The following INPP4A variants were observed in gnomAD, a reference collection of about 807,000 sequenced individuals.
The protein encoded by INPP4A is inositol polyphosphate-4-phosphatase, type I, 107kD.
In INPP4A, 33 loss-of-function variants were observed where a neutral mutation model predicts 119.8. That is an observed-to-expected ratio of 0.28 (90% CI 0.21 to 0.37). INPP4A has a LOEUF of 0.37. INPP4A is among the 10% of genes least tolerant of loss of function. The pLI is 1.00. For missense variants in INPP4A, 956 were observed against 1,289.9 expected (o/e 0.74, Z 3.97); for synonymous variants, 496 against 500.7 (o/e 0.99, Z 0.12).
rs1198072946 is a variant in INPP4A, at chr2:98,536,557, T to C, written c.467+349T>C. ...TTTTGTCTGCTTTGCTTCACTGCTA[T>C]TTCCCAGACACCTAGAATGTGTCTG... On this transcript the variant is annotated intron_variant, in intron 7 of 24. Coordinates refer to ENST00000409851, the MANE Select transcript of INPP4A (RefSeq NM_001134225.2). 5.9e-5 allele frequency among the ~76,000 whole-genome samples: 9 copies of C among 152,198 alleles called. No homozygotes were observed. The South Asian group carries it at 1.2e-3, about 21-fold the overall frequency.
intron 1 of INPP4A, among the ~76,000 whole-genome samples, chr2:98,517,566 A>C (rs1318248880): frequency 6.6e-6 from 1 of 152,148 alleles, no homozygotes; most frequent in Non-Finnish European, 1.5e-5. Flanking sequence ...GAGGTATCTC[A>C]TGGGTTCAGT....
chr2:98,563,602 C>G lies in INPP4A; in HGVS notation c.1993C>G (p.Leu665Val). The G allele has an allele frequency of 6.2e-7, 1 of 1,613,376 alleles. No homozygotes were observed. The highest frequency in any genetic ancestry group is 8.5e-7 in the Non-Finnish European group (1 of 1,179,872). The change falls in exon 18 of 25, where the codon CTG (leucine) becomes GTG (valine). Residue 665 changes from leucine to valine, a missense_variant. Around this residue, in one of 2 missense-constraint regions of INPP4A, gnomAD observed 304 missense variants for 492.1 expected, o/e 0.62. Coordinates refer to ENST00000409851, the MANE Select transcript of INPP4A (RefSeq NM_001134225.2). ...GCCCACCATAGCCACCTACCTGAGC[C>G]TGCAGTACCGCCGTGACGTGGTCTT... ...SAPTIATYLS[L>V]QYRRDVVFCQ...
rs111965408 is a variant in INPP4A at position 98,458,853 on chromosome 2, G to A, written c.-166+13768G>A. On this transcript the variant is annotated intron_variant, in intron 1 of 24. Transcript: ENST00000409851. ...CCTTAAGCGGGTAGGCAGCATCGGC[G>A]GATCATGGCAGGGAGAGAAGTACAG... Among the ~76,000 whole-genome samples, 586 of 152,266 alleles carry A rather than the reference G, an allele frequency of 3.8e-3. 1 individual carries two copies. The highest frequency in any genetic ancestry group is 6.8e-3 in the Non-Finnish European group (463 of 68,028).
rs888757210 is a variant in INPP4A, at chr2:98,569,740, C to CT, written c.2518+1073dup. On this transcript the variant is annotated intron_variant, in intron 22 of 24. Coordinates refer to ENST00000409851, the MANE Select transcript of INPP4A (RefSeq NM_001134225.2). The surrounding 1 kb of genome is among the most constrained non-coding windows in gnomAD (Gnocchi z 5.1). The stretch of plus-strand genomic sequence containing the variant: ...TTGGATTGTGGCTGAAGCCGTCCTG[C>CT]TAGGAGAGAGTGATGCAGAACACTC... The CT allele has an allele frequency of 6.6e-6, 1 of 152,216 alleles. No homozygotes were observed. Among genetic ancestry groups the CT allele is most frequent in the Non-Finnish European group, 1.5e-5 (1 of 68,102 alleles). 9.4% of individuals were successfully genotyped at this position (152,216 alleles called of 1,614,324 possible).
chr2:98,555,301 G>A (rs1017150257), intron 15 of INPP4A, among the ~76,000 whole-genome samples: 12 of 152,220 alleles, frequency 7.9e-5, no homozygotes, highest in African/African-American at 2.9e-4. Flanking sequence ...GGGCCACCTG[G>A]CCTCCAGAAG....
In INPP4A at chr2:98,570,524, C is replaced by G. The variant is rs558250822; in HGVS notation, c.2518+1856C>G. Among the ~76,000 whole-genome samples the G allele has an allele frequency of 2.1e-4, 32 of 152,232 alleles. No homozygotes were observed. Among genetic ancestry groups the G allele is most frequent in the African/African-American group, 7.0e-4 (29 of 41,544 alleles). On this transcript the variant is annotated intron_variant, in intron 22 of 24. Transcript: ENST00000409851. This position sits in a 1 kb window ranked among gnomAD's most constrained non-coding sequence, Gnocchi z 4.3. ...CAAGGGGTGATGAAATGGTGCTGCC[C>G]TGGAATGGACCACTTTGTCCCAAAG...
chr2:98,525,027 A>G (rs1687923460), intron 4 of INPP4A, among the ~76,000 whole-genome samples: 1 of 152,138 alleles, frequency 6.6e-6, no homozygotes, highest in African/African-American at 2.4e-5. Context: ...CAACACCAAA[A>G]TCAGTGTTAG....
At chr2:98,561,645 A>G (rs970548268) in intron 17 of INPP4A, among the ~76,000 whole-genome samples, 1 of 152,352 alleles carries the variant, frequency 6.6e-6, no homozygotes, top group East Asian at 1.9e-4. Context: ...ATATAGGCAA[A>G]GTGAAAAAGT....
At chr2:98,492,779 C>T (rs1681104266) in intron 1 of INPP4A, among the ~76,000 whole-genome samples, 1 of 152,240 alleles carries the variant, frequency 6.6e-6, no homozygotes, top group African/African-American at 2.4e-5. Context: ...ACTGGGAAAA[C>T]AGAGCCTAGC....
At position 98,558,441 on chromosome 2, in the gene INPP4A, G is replaced by A. The variant is rs7559530; in HGVS notation, c.1823-1022G>A. ...AGCAACATGGTCTCAGGGCATCTGG[G>A]TTAACGAAGAGGTCGAACTCTTGAA... On this transcript the variant is annotated intron_variant, in intron 16 of 24. Transcript: ENST00000409851. 3.8e-3 allele frequency among the ~76,000 whole-genome samples: 577 copies of A among 152,326 alleles called. 1 individual carries two copies. The highest frequency in any genetic ancestry group is 0.01 in the African/African-American group (424 of 41,582).
chr2:98,471,304 T>A (rs1265844147), intron 1 of INPP4A, among the ~76,000 whole-genome samples: 2 of 152,204 alleles, frequency 1.3e-5, no homozygotes, highest in Non-Finnish European at 2.9e-5. Flanking sequence ...GAGAAAAGGA[T>A]GAATGACCCT....
In INPP4A at chr2:98,539,635, C is replaced by T. The variant is rs541626439; in HGVS notation, c.778C>T (p.Arg260Trp). ...GAGCGTGCTCTCCCTGCACGTGCCCCGGCAGTTCGTGAAGCTCCTACTAGA... is the reference window on the plus strand; with the variant it reads ...GAGCGTGCTCTCCCTGCACGTGCCCTGGCAGTTCGTGAAGCTCCTACTAGA... The part of the protein sequence containing the change: ...AESVLSLHVP[R>W]QFVKLLLEED... Residue 260 changes from arginine (R) to tryptophan (W), a missense_variant, in exon 10 of 25, where the codon CGG becomes TGG. Physicochemically the swap from Arg to Trp is moderately radical, Grantham distance 101 (BLOSUM62 -3). Around this residue, in one of 2 missense-constraint regions of INPP4A, gnomAD observed 652 missense variants for 797.9 expected, o/e 0.82. Transcript: ENST00000409851. 18 of 1,610,322 alleles carry T rather than the reference C, an allele frequency of 1.1e-5. No individual in the cohort carries two copies. The highest frequency in any genetic ancestry group is 1.7e-4 in the Middle Eastern group (1 of 6,052).
At chr2:98,479,318 G>T (rs1677924680) in intron 1 of INPP4A, among the ~76,000 whole-genome samples, 1 of 152,182 alleles carries the variant, frequency 6.6e-6, no homozygotes, top group South Asian at 2.1e-4. Flanking sequence ...AACTTCTCCT[G>T]TGTGTGCTTC....
At position 98,566,210 on chromosome 2, in the gene INPP4A, C is replaced by G; in HGVS notation, c.2420+41C>G. 1.3e-6 allele frequency: 2 copies of G among 1,533,548 alleles called. No homozygotes were observed. Among genetic ancestry groups the G allele is most frequent in the Non-Finnish European group, 1.8e-6 (2 of 1,136,954 alleles). The allele number at this position is 1,533,548 out of a possible 1,614,324, so 95.0% of individuals were successfully genotyped here. A position where few individuals can be genotyped will look rare whatever the true frequency, so the allele number is the denominator to read the frequency against. On this transcript the variant is annotated intron_variant, in intron 21 of 24. Coordinates refer to ENST00000409851, the MANE Select transcript of INPP4A (RefSeq NM_001134225.2). The surrounding 1 kb of genome is among the most constrained non-coding windows in gnomAD (Gnocchi z 4.2). Reference sequence around the variant, plus strand: ...TCGGGGCTGCGGGGGTGTGGTGGCCCTGGAGATGATGCAGAAAACGTACTT... The same window carrying G: ...TCGGGGCTGCGGGGGTGTGGTGGCCGTGGAGATGATGCAGAAAACGTACTT...
At chr2:98,582,624 C>T (rs376972689) in intron 24 of INPP4A, among the ~76,000 whole-genome samples, 43 of 145,654 alleles carry the variant, frequency 3.0e-4, no homozygotes, top group East Asian at 6.3e-4. Context: ...CTACTGCATA[C>T]GCCAGACACA....
intron 20 of INPP4A, 120 bp downstream of exon 20, chr2:98,565,886 G>A: frequency 6.6e-7 from 1 of 1,512,370 alleles, no homozygotes. Flanking sequence ...TCTGATTACA[G>A]CCCCCTAGGT....
chr2:98,568,541 A>G (rs1322557656), intron 21 of INPP4A, 30 bp from the exon 22 acceptor site: 1 of 1,173,982 alleles, frequency 8.5e-7, no homozygotes, highest in African/African-American at 1.5e-5. Context: ...GACATTAGCC[A>G]ACTAATGGCA....
At chr2:98,581,246 G>T (rs528682937) in intron 24 of INPP4A, among the ~76,000 whole-genome samples, 2 of 152,314 alleles carry the variant, frequency 1.3e-5, no homozygotes, top group South Asian at 4.1e-4. Flanking sequence ...TTGGCCAGCC[G>T]AGAGAGTGAA....
At chr2:98,511,114 C>T (rs1685053012) in intron 1 of INPP4A, among the ~76,000 whole-genome samples, 2 of 151,576 alleles carry the variant, frequency 1.3e-5, no homozygotes, top group Non-Finnish European at 2.9e-5. Context: ...GGCTGGAGTG[C>T]AGTAGTGCGA....
Sources: allele counts gnomAD v4.1 joint callset (sites outside exome capture counted in the v4.1 genomes callset), GRCh38; gene constraint gnomAD v4.1.1; regional missense constraint gnomAD v4.1.1; non-coding constraint Gnocchi (gnomAD v3.1); transcripts MANE v1.5; gene names NCBI Gene and HGNC (gene_info 2026-07-23, HGNC 2026-07-21).